Variants in SHROOM2 observed in about 807,000 individuals in gnomAD.
The protein encoded by SHROOM2 is shroom family member 2.
Under a neutral mutation model 75.9 loss-of-function variants are expected in SHROOM2, and 33 were observed. The ratio of observed to expected loss-of-function variants is 0.43; its 90% CI spans 0.33 to 0.58. The LOEUF (loss-of-function observed/expected upper bound fraction) is 0.58, where lower values mean the gene tolerates loss of function less well. Among genes scored for constraint, SHROOM2 ranks in the 20% least tolerant of loss-of-function variants. The pLI is 0.04. For missense variants in SHROOM2, 1,434 were observed against 1,461.2 expected, an observed-to-expected ratio of 0.98 and a Z score of 0.30; for synonymous variants, 655 against 663.6, an observed-to-expected ratio of 0.99 and a Z score of 0.20.
chrX:9,886,058 T>G (rs777214080), intron 2 of SHROOM2, among the ~76,000 whole-genome samples: 1 of 112,687 alleles, frequency 8.9e-6, no homozygotes, highest in African/African-American at 3.2e-5. Context: ...CTTCTGGGTT[T>G]GTTTTCATTT....
At chrX:9,815,436 G>A (rs28754912) in intron 1 of SHROOM2, among the ~76,000 whole-genome samples, 149 of 10,842 alleles carry the variant, frequency 0.014, no homozygotes, top group African/African-American at 0.075. Flanking sequence ...TACATATTAT[G>A]TGTGTGTGTG....
At chrX:9,924,615 C>T (rs2084576989) in intron 5 of SHROOM2, among the ~76,000 whole-genome samples, 1 of 110,321 alleles carries the variant, frequency 9.1e-6, no homozygotes. Context: ...CTTGGCCTCC[C>T]TAAGTGTTGG....
chrX:9,921,768 A>C (rs781706733), intron 5 of SHROOM2, among the ~76,000 whole-genome samples: 1 of 112,121 alleles, frequency 8.9e-6, no homozygotes, highest in East Asian at 2.8e-4. Flanking sequence ...TGTTGTCACA[A>C]ATGGCAAGAT....
chrX:9,916,628 T>G (rs1013920175), intron 5 of SHROOM2, among the ~76,000 whole-genome samples: 1 of 112,402 alleles, frequency 8.9e-6, no homozygotes, highest in African/African-American at 3.2e-5. Flanking sequence ...ATTTTTAAAA[T>G]TCTGTGGTTT....
chrX:9,932,092 AT>A, intron 5 of SHROOM2, 82 bp from the exon 6 acceptor site: 1 of 917,565 alleles, frequency 1.1e-6, no homozygotes, highest in Non-Finnish European at 1.5e-6. Context: ...GCTTAAGGGG[AT>A]TGTGAAGATC....
chrX:9,912,188 T>G lies in SHROOM2; in HGVS notation c.2891+13898T>G, dbSNP rs186424705. On this transcript the variant is annotated intron_variant, in intron 5 of 9. Transcript: ENST00000380913. Reference sequence around the variant, plus strand: ...CTGCCCCCCAAGCCTTTTGGGGTTTTAAATTACAAGACACACACACACACA... The same window carrying G: ...CTGCCCCCCAAGCCTTTTGGGGTTTGAAATTACAAGACACACACACACACA... 7.3e-4 allele frequency among the ~76,000 whole-genome samples: 55 copies of G among 75,282 alleles called. 1 individual carries two copies. The highest frequency in any genetic ancestry group is 6.4e-3 in the East Asian group (16 of 2,497). 65.4% of individuals were successfully genotyped at this position (75,282 alleles called of 115,157 possible). A position where few individuals can be genotyped will look rare whatever the true frequency, so the allele number is the denominator to read the frequency against.
At chrX:9,850,564 C>G (rs1240876965) in intron 1 of SHROOM2, among the ~76,000 whole-genome samples, 3 of 111,490 alleles carry the variant, frequency 2.7e-5, no homozygotes, top group Non-Finnish European at 5.7e-5. Flanking sequence ...CTAAGCCAGG[C>G]GTGGTGGTGC....
In SHROOM2 at chrX:9,891,053, T is replaced by C; in HGVS notation, c.394T>C (p.Ser132Pro). The C allele has an allele frequency of 1.7e-6, 2 of 1,202,924 alleles. No homozygotes were observed. Among genetic ancestry groups the C allele is most frequent in the Non-Finnish European group, 2.2e-6 (2 of 891,068 alleles). Residue 132 changes from serine (S) to proline (P), a missense_variant, in exon 3 of 10, where the codon TCC (serine) becomes CCC (proline). By Grantham distance (74) the Ser-to-Pro change is moderately conservative. Around this residue, in one of 3 missense-constraint regions of SHROOM2, gnomAD observed 1,340 missense variants for 1,338.3 expected, o/e 1.00. Coordinates refer to ENST00000380913, the MANE Select transcript of SHROOM2 (RefSeq NM_001649.4). Reference protein sequence around the residue: ...FSDSHPELAASPFTSTSGCPS... With the variant: ...FSDSHPELAAPPFTSTSGCPS... ...TGACAGCCACCCCGAGCTAGCGGCC[T>C]CCCCATTCACCTCCACCAGCGGCTG... is the stretch of plus-strand genomic sequence containing the variant.
chrX:9,806,241 A>G (rs2083750931), intron 1 of SHROOM2, among the ~76,000 whole-genome samples: 1 of 110,995 alleles, frequency 9.0e-6, no homozygotes, highest in South Asian at 3.8e-4. Flanking sequence ...GCCCGTGGTT[A>G]TGGCAGGGCC....
At chrX:9,851,953 A>T (rs1438651795) in intron 1 of SHROOM2, among the ~76,000 whole-genome samples, 1 of 112,413 alleles carries the variant, frequency 8.9e-6, no homozygotes, top group Non-Finnish European at 1.9e-5. Context: ...CTGAAGTCTG[A>T]TGTATCCCTT....
chrX:9,828,852 C>A (rs2083901646), intron 1 of SHROOM2, among the ~76,000 whole-genome samples: 2 of 112,077 alleles, frequency 1.8e-5, no homozygotes, highest in Non-Finnish European at 3.8e-5. Context: ...CTATTTTGAA[C>A]AGGCAAATGA....
intron 1 of SHROOM2, among the ~76,000 whole-genome samples, chrX:9,866,668 A>AT (rs1387344825): frequency 9.0e-6 from 1 of 111,389 alleles, no homozygotes; most frequent in Non-Finnish European, 1.9e-5. Flanking sequence ...AAATAAATTC[A>AT]TTTGTGTGTG....
intron 1 of SHROOM2, among the ~76,000 whole-genome samples, chrX:9,790,940 C>G (rs1310736957): frequency 1.8e-5 from 2 of 110,626 alleles, no homozygotes; most frequent in Non-Finnish European, 3.8e-5. Flanking sequence ...GAGCTGGAGG[C>G]TTTGAGGGTC....
At chrX:9,927,705 A>G (rs950512797) in intron 5 of SHROOM2, among the ~76,000 whole-genome samples, 1 of 112,588 alleles carries the variant, frequency 8.9e-6, no homozygotes, top group African/African-American at 3.2e-5. Context: ...AACATGATGC[A>G]TGTAATAAAT....
At chrX:9,818,251 A>G (rs1601924432) in intron 1 of SHROOM2, 1 of 208,976 alleles carries the variant, frequency 4.8e-6, no homozygotes, top group Middle Eastern at 5.9e-4. Flanking sequence ...TGGCATCAAT[A>G]TCAATGTCAT....
intron 5 of SHROOM2, among the ~76,000 whole-genome samples, chrX:9,906,916 C>G (rs1434053422): frequency 8.9e-6 from 1 of 112,587 alleles, no homozygotes; most frequent in Non-Finnish European, 1.9e-5. Flanking sequence ...AGTGTCCCTG[C>G]TGCGACCACT....
rs1429891732 is a variant in SHROOM2 at position 9,818,438 on chromosome X, G to A, written c.165+31728G>A. Reference sequence around the variant, plus strand: ...TCTTTGGCAGGTTCTTTTGAGACATGTTTCTTAAAGGCCTTTTTCCGACCA... The same window carrying A: ...TCTTTGGCAGGTTCTTTTGAGACATATTTCTTAAAGGCCTTTTTCCGACCA... On this transcript the variant is annotated intron_variant, in intron 1 of 9. Transcript: ENST00000380913. 1.0e-4 allele frequency: 25 copies of A among 241,803 alleles called. No homozygotes were observed. The South Asian group carries it at 1.3e-3, about 13-fold the overall frequency. The allele number at this position is 241,803 out of a possible 1,213,427, so 19.9% of individuals were successfully genotyped here.
At position 9,948,034 on chromosome X, in the gene SHROOM2, G is replaced by C. The variant is rs769843723; in HGVS notation, c.*1097G>C. On this transcript the variant is annotated 3_prime_UTR_variant, in exon 10 of 10. Transcript: ENST00000380913. ...GCCTGGTTTGTTAAAAGAAAACACT[G>C]TCATGCTGTCAGTTCCCAATTGACA... 8.9e-6 allele frequency: 1 copy of C among 112,128 alleles called. No homozygotes were observed. Among genetic ancestry groups the C allele is most frequent in the South Asian group, 3.6e-4 (1 of 2,753 alleles). The allele number at this position is 112,128 out of a possible 1,213,427, so 9.2% of individuals were successfully genotyped here. A position where few individuals can be genotyped will look rare whatever the true frequency, so the allele number is the denominator to read the frequency against.
chrX:9,850,265 CT>C (rs1275066022), intron 1 of SHROOM2, among the ~76,000 whole-genome samples: 1 of 112,419 alleles, frequency 8.9e-6, no homozygotes. Context: ...GCCTGCTTTT[CT>C]GCTACAAGCT....
Sources: gnomAD v4.1 joint callset for allele counts (sites outside exome capture counted in the v4.1 genomes callset) on GRCh38, gnomAD v4.1.1 for gene constraint, gnomAD v4.1.1 regional missense constraint, MANE v1.5 for transcripts, NCBI Gene and HGNC (gene_info 2026-07-23, HGNC 2026-07-21) for gene names.